The following NAALADL2 variants were observed in gnomAD, a reference collection of about 807,000 sequenced individuals.
The protein encoded by NAALADL2 is inactive N-acetylated-alpha-linked acidic dipeptidase-like protein 2.
Under a neutral mutation model 87.2 loss-of-function variants are expected in NAALADL2, and 76 were observed. That is an observed-to-expected ratio of 0.87 (90% CI 0.72 to 1.05). NAALADL2 has a LOEUF of 1.05. Among genes scored for constraint, NAALADL2 ranks in the 50% least tolerant of loss-of-function variants. The pLI, the probability that NAALADL2 is intolerant of heterozygous loss-of-function variation, is 0.00. For synonymous variants in NAALADL2, 354 were observed against 331.0 expected, an observed-to-expected ratio of 1.07 and a Z score of -0.75; for missense variants, 1,089 against 945.8, an observed-to-expected ratio of 1.15 and a Z score of -1.99.
intron 3 of NAALADL2, among the ~76,000 whole-genome samples, chr3:174,799,290 T>G (rs1718521523): frequency 1.3e-5 from 2 of 152,278 alleles, no homozygotes; most frequent in African/African-American, 2.4e-5. Flanking sequence ...AGAGTGGACA[T>G]CTGATATGGT....
intron 11 of NAALADL2, among the ~76,000 whole-genome samples, chr3:175,628,187 C>A (rs1727262704): frequency 6.6e-6 from 1 of 151,644 alleles, no homozygotes; most frequent in Admixed American, 6.6e-5. Context: ...ACTTTCAGTG[C>A]CGTATTCGAC....
chr3:175,795,319 G>GTAAAT (rs1753323870), intron 13 of NAALADL2, among the ~76,000 whole-genome samples: 1 of 152,080 alleles, frequency 6.6e-6, no homozygotes, highest in African/African-American at 2.4e-5. Flanking sequence ...GGACTGTTTG[G>GTAAAT]CATGATTTAC....
intron 5 of NAALADL2, among the ~76,000 whole-genome samples, chr3:175,434,621 G>T (rs1718317930): frequency 6.6e-6 from 1 of 151,902 alleles, no homozygotes; most frequent in African/African-American, 2.4e-5. Flanking sequence ...AAGAATTAAT[G>T]GTTGCATACT....
intron 2 of NAALADL2, among the ~76,000 whole-genome samples, chr3:175,112,320 A>C (rs891069000): frequency 5.9e-5 from 9 of 151,524 alleles, no homozygotes; most frequent in African/African-American, 2.2e-4. Flanking sequence ...AAGTCATACT[A>C]TTAGGGTCTC....
intron 1 of NAALADL2, among the ~76,000 whole-genome samples, chr3:174,994,808 T>A (rs1408579290): frequency 1.3e-5 from 2 of 152,186 alleles, no homozygotes; most frequent in East Asian, 3.9e-4. Flanking sequence ...TTTTAATATA[T>A]TTTTCAAAGA....
chr3:175,275,929 C>G (rs1417468763), intron 4 of NAALADL2, among the ~76,000 whole-genome samples: 1 of 151,142 alleles, frequency 6.6e-6, no homozygotes, highest in East Asian at 1.9e-4. Flanking sequence ...ATGACCGTAA[C>G]CTTATTAACC....
At chr3:175,686,243 T>G (rs1447414530) in intron 11 of NAALADL2, among the ~76,000 whole-genome samples, 1 of 150,488 alleles carries the variant, frequency 6.6e-6, no homozygotes, top group Admixed American at 6.6e-5. Flanking sequence ...TAATTAAGGT[T>G]ATGTACATTC....
intron 9 of NAALADL2, among the ~76,000 whole-genome samples, chr3:175,478,184 T>C (rs1431622320): frequency 6.6e-6 from 1 of 151,996 alleles, no homozygotes; most frequent in Non-Finnish European, 1.5e-5. Flanking sequence ...TTACCATGAA[T>C]TGCAATTCTT....
chr3:174,961,670 A>T (rs1309837373), intron 1 of NAALADL2, among the ~76,000 whole-genome samples: 1 of 152,054 alleles, frequency 6.6e-6, no homozygotes, highest in Non-Finnish European at 1.5e-5. Context: ...CACTACTAGG[A>T]TTATAGTCTT....
At chr3:174,477,012 A>G (rs561763409) in intron 1 of NAALADL2, among the ~76,000 whole-genome samples, 10 of 152,098 alleles carry the variant, frequency 6.6e-5, no homozygotes, top group Admixed American at 5.9e-4. Flanking sequence ...TGTAATTACT[A>G]TTAAAATCTA....
At chr3:175,776,453 ATTTG>A (rs1366528453) in intron 13 of NAALADL2, 1 of 151,918 alleles carries the variant, frequency 6.6e-6, no homozygotes, top group Non-Finnish European at 1.5e-5. Context: ...CCCAGTGCTT[ATTTG>A]TTTGGACCTC....
intron 11 of NAALADL2, among the ~76,000 whole-genome samples, chr3:175,634,635 A>G (rs1728260972): frequency 6.6e-6 from 1 of 152,006 alleles, no homozygotes; most frequent in South Asian, 2.1e-4. Context: ...ATGCTTAGAA[A>G]GCCTGGCTAT....
intron 1 of NAALADL2, among the ~76,000 whole-genome samples, chr3:174,870,828 T>G (rs924924358): frequency 6.6e-6 from 1 of 152,202 alleles, no homozygotes; most frequent in African/African-American, 2.4e-5. Flanking sequence ...AATAATATTT[T>G]ATTCACAGTC....
chr3:174,643,860 A>G (rs1263229013), intron 2 of NAALADL2, among the ~76,000 whole-genome samples: 2 of 152,324 alleles, frequency 1.3e-5, no homozygotes, highest in Non-Finnish European at 2.9e-5. Context: ...AGTCAAAGCA[A>G]GAAAAATACA....
chr3:175,248,674 C>T (rs1311442931), intron 3 of NAALADL2, among the ~76,000 whole-genome samples: 2 of 152,072 alleles, frequency 1.3e-5, no homozygotes, highest in African/African-American at 4.8e-5. Context: ...GTTTTTGGTG[C>T]TCAGAACAGA....
Position 175,463,701 on chromosome 3 carries a change from G to GGAGAGA in NAALADL2, c.1327+238_1327+243dup, listed in dbSNP as rs10591566. Among the ~76,000 whole-genome samples, 355 of 115,520 alleles carry GGAGAGA rather than the reference G, an allele frequency of 3.1e-3. 8 individuals are homozygous for GGAGAGA. Among genetic ancestry groups the GGAGAGA allele is most frequent in the African/African-American group, 0.012 (300 of 25,382 alleles). The allele number at this position is 115,520 out of a possible 152,430, so 75.8% of individuals were successfully genotyped here. A position where few individuals can be genotyped will look rare whatever the true frequency, so the allele number is the denominator to read the frequency against. Reference sequence around the variant, plus strand: ...TCTTCTAAAATAAATCTTAGTCGGGGGAGAGAGAGAGAGAGAGAGAGAGAG... The same window carrying GGAGAGA: ...TCTTCTAAAATAAATCTTAGTCGGGGGAGAGAGAGAGAGAGAGAGAGAGAGAGAGAG... On this transcript the variant is annotated intron_variant, in intron 7 of 13. Transcript: ENST00000454872.
intron 2 of NAALADL2, among the ~76,000 whole-genome samples, chr3:174,713,570 T>C (rs887923063): frequency 1.3e-5 from 2 of 152,198 alleles, no homozygotes; most frequent in African/African-American, 4.8e-5. Flanking sequence ...ATGAGTACTT[T>C]TTCATGTGTC....
At chr3:175,398,291 T>C (rs1770072970) in intron 5 of NAALADL2, among the ~76,000 whole-genome samples, 2 of 151,416 alleles carry the variant, frequency 1.3e-5, no homozygotes, top group Non-Finnish European at 2.9e-5. Context: ...CTCAGCAGGA[T>C]TTGAAGCTGA....
At chr3:175,584,210 G>T (rs1232508253) in intron 10 of NAALADL2, among the ~76,000 whole-genome samples, 1 of 152,002 alleles carries the variant, frequency 6.6e-6, no homozygotes, top group African/African-American at 2.4e-5. Context: ...GCTGATTTTT[G>T]TATTTTTAGT....
Sources: allele counts gnomAD v4.1 joint callset (sites outside exome capture counted in the v4.1 genomes callset), GRCh38; gene constraint gnomAD v4.1.1; transcripts MANE v1.5; gene names NCBI Gene and HGNC (gene_info 2026-07-23, HGNC 2026-07-21).